The following SPECC1L variants were observed in gnomAD, a reference collection of about 807,000 sequenced individuals.
SPECC1L encodes sperm antigen with calponin homology and coiled-coil domains 1 like.
In SPECC1L, 40 loss-of-function variants were observed where a neutral mutation model predicts 116.8. That is an observed-to-expected ratio of 0.34 (90% CI 0.27 to 0.45). The LOEUF is 0.45. SPECC1L is among the 20% of genes least tolerant of loss of function. The probability of loss-of-function intolerance (pLI) is 1.00; values close to 1 mark genes in which losing one functional copy is unlikely to be tolerated. For synonymous variants in SPECC1L, 504 were observed against 500.6 expected (o/e 1.01, Z -0.09); for missense variants, 1,110 against 1,373.6 (o/e 0.81, Z 3.03).
chr22:24,376,900 A>G (rs906635310), intron 14 of SPECC1L, among the ~76,000 whole-genome samples: 1 of 151,692 alleles, frequency 6.6e-6, no homozygotes, highest in African/African-American at 2.4e-5. Context: ...TGTACATTTC[A>G]GTGGGTTTTT....
intron 14 of SPECC1L, among the ~76,000 whole-genome samples, chr22:24,390,920 G>A (rs60770470): frequency 9.0e-6 from 1 of 111,006 alleles, no homozygotes; most frequent in African/African-American, 3.6e-5. Context: ...TCACTCTGTC[G>A]CCCAGACTGA....
intron 2 of SPECC1L, among the ~76,000 whole-genome samples, chr22:24,301,000 A>C (rs1473613545): frequency 2.0e-5 from 3 of 152,208 alleles, no homozygotes; most frequent in Non-Finnish European, 4.4e-5. Flanking sequence ...TAAAACCCAA[A>C]ACCATAAAAA....
In SPECC1L at chr22:24,321,910, G is replaced by T; in HGVS notation, c.930G>T (p.Leu310=). The T allele has an allele frequency of 6.2e-7, 1 of 1,614,230 alleles. No individual in the cohort carries two copies. Among genetic ancestry groups the T allele is most frequent in the South Asian group, 1.1e-5 (1 of 91,082 alleles). The stretch of plus-strand genomic sequence containing the variant: ...ACCAGAGCGATGGAGGAGGAACTCT[G>T]ACTTCTTCAGTGGAAGGCTCTGCCC... The part of the protein sequence containing the change: ...PGNQSDGGGT[L]TSSVEGSAPG... The change falls in exon 5 of 17, where the codon CTG becomes CTT. Residue 310 remains leucine (L), a synonymous_variant. Coordinates refer to ENST00000314328, the MANE Select transcript of SPECC1L (RefSeq NM_015330.6).
At position 24,411,687 on chromosome 22, in the gene SPECC1L, C is replaced by T. The variant is rs752277401; in HGVS notation, c.3187C>T (p.Leu1063=). 3.1e-6 allele frequency: 5 copies of T among 1,613,542 alleles called. No homozygotes were observed. The East Asian group carries it at 1.1e-4, about 36-fold the overall frequency. The change falls in exon 15 of 17, where the codon CTG becomes TTG. Residue 1063 remains leucine, a synonymous_variant. Coordinates refer to ENST00000314328, the MANE Select transcript of SPECC1L (RefSeq NM_015330.6). Reference sequence around the variant, plus strand: ...CCCTGCCCACATTCCATATCAAGAACTGAACAGCCAGGATAAGGTAGGCCA... The same window carrying T: ...CCCTGCCCACATTCCATATCAAGAATTGAACAGCCAGGATAAGGTAGGCCA... ...YLPAHIPYQE[L]NSQDKRRNFM...
At chr22:24,320,882 A>G (rs1217600610) in intron 4 of SPECC1L, among the ~76,000 whole-genome samples, 2 of 152,146 alleles carry the variant, frequency 1.3e-5, no homozygotes, top group African/African-American at 2.4e-5. Flanking sequence ...GTGTACAGTT[A>G]GTTTACCACC....
Position 24,388,787 on chromosome 22 carries a change from AT to A in SPECC1L, c.3087+19468del, listed in dbSNP as rs2042211964. ...CTTATGGGCCTACCACAGATATCTT[AT>A]AAAAGTTAACTTCTGAGAGTTGAGT... On this transcript the variant is annotated intron_variant, in intron 14 of 16. Coordinates refer to ENST00000314328, the MANE Select transcript of SPECC1L (RefSeq NM_015330.6). 4.6e-5 allele frequency among the ~76,000 whole-genome samples: 5 copies of A among 109,332 alleles called. No homozygotes were observed. The Admixed American group carries it at 4.6e-4, about 10-fold the overall frequency. 71.7% of individuals were successfully genotyped at this position (109,332 alleles called of 152,430 possible). A position where few individuals can be genotyped will look rare whatever the true frequency, so the allele number is the denominator to read the frequency against.
chr22:24,407,509 G>C (rs2042614679), intron 14 of SPECC1L, among the ~76,000 whole-genome samples: 1 of 152,228 alleles, frequency 6.6e-6, no homozygotes. Context: ...GACCCTGCCA[G>C]AGCTGCCTGC....
intron 14 of SPECC1L, among the ~76,000 whole-genome samples, chr22:24,385,650 C>G (rs1405417570): frequency 6.6e-6 from 1 of 152,188 alleles, no homozygotes; most frequent in Non-Finnish European, 1.5e-5. Flanking sequence ...CCAAGGCACT[C>G]TTAGAAAACA....
intron 7 of SPECC1L, 52 bp from the exon 8 acceptor site, chr22:24,330,204 A>G: frequency 1.3e-6 from 2 of 1,584,750 alleles, no homozygotes; most frequent in Middle Eastern, 1.7e-4. Context: ...TTGCTTTTAA[A>G]TAAATCTTGA....
chr22:24,345,078 G>C (rs1189283509), intron 10 of SPECC1L, among the ~76,000 whole-genome samples: 1 of 152,140 alleles, frequency 6.6e-6, no homozygotes, highest in African/African-American at 2.4e-5. Flanking sequence ...CATTGTTGTG[G>C]TCGGGGGGGT....
intron 4 of SPECC1L, among the ~76,000 whole-genome samples, chr22:24,318,353 C>T (rs1352062652): frequency 1.3e-5 from 2 of 152,144 alleles, no homozygotes; most frequent in Non-Finnish European, 2.9e-5. Flanking sequence ...ACCCCGTCTC[C>T]ACCCAAAAAA....
chr22:24,365,447 A>T, intron 12 of SPECC1L, 29 bp from the exon 13 acceptor site: 1 of 1,611,780 alleles, frequency 6.2e-7, no homozygotes, highest in Non-Finnish European at 8.5e-7. Flanking sequence ...TGTTTTTGCT[A>T]TAGAGTGCAT....
intron 2 of SPECC1L, among the ~76,000 whole-genome samples, chr22:24,291,266 A>G (rs966656780): frequency 2.0e-5 from 3 of 152,172 alleles, no homozygotes; most frequent in African/African-American, 4.8e-5. Flanking sequence ...TATGAAATGA[A>G]ATTTTCGAAC....
intron 14 of SPECC1L, among the ~76,000 whole-genome samples, chr22:24,403,844 G>A (rs1467571865): frequency 6.6e-6 from 1 of 152,126 alleles, no homozygotes; most frequent in Admixed American, 6.6e-5. Context: ...TTTCATTTGC[G>A]AGGCATACGG....
At chr22:24,362,376 C>G (rs189214709) in intron 11 of SPECC1L, among the ~76,000 whole-genome samples, 30 of 152,226 alleles carry the variant, frequency 2.0e-4, no homozygotes, top group Non-Finnish European at 3.7e-4. Context: ...GCCCAAGGAA[C>G]TAAAGGAACT....
intron 11 of SPECC1L, among the ~76,000 whole-genome samples, chr22:24,351,663 C>T (rs1018483178): frequency 6.6e-6 from 1 of 152,098 alleles, no homozygotes; most frequent in East Asian, 1.9e-4. Context: ...AACAGTCATT[C>T]AAGAAAAGAA....
intron 4 of SPECC1L, among the ~76,000 whole-genome samples, chr22:24,314,630 ATAG>A (rs2040526005): frequency 6.6e-6 from 1 of 152,206 alleles, no homozygotes; most frequent in Non-Finnish European, 1.5e-5. Flanking sequence ...CATATGACCT[ATAG>A]AGTTTCTGAG....
At chr22:24,275,342 C>T (rs2048816390) in intron 1 of SPECC1L, among the ~76,000 whole-genome samples, 2 of 152,246 alleles carry the variant, frequency 1.3e-5, no homozygotes, top group African/African-American at 4.8e-5. Context: ...AGCTGTGAGA[C>T]ACCTCCCAGT....
chr22:24,365,428 A>G, intron 12 of SPECC1L, 48 bp from the exon 13 acceptor site: 1 of 1,585,042 alleles, frequency 6.3e-7, no homozygotes, highest in East Asian at 2.2e-5. Context: ...TCAAGAACTC[A>G]GTCTAAAATG....
Sources: allele counts gnomAD v4.1 joint callset (sites outside exome capture counted in the v4.1 genomes callset), GRCh38; gene constraint gnomAD v4.1.1; transcripts MANE v1.5; gene names NCBI Gene and HGNC (gene_info 2026-07-23, HGNC 2026-07-21).